RBPJ: variants seen among roughly 807,000 people sequenced by gnomAD.
RBPJ encodes the protein recombining binding protein suppressor of hairless.
RBPJ carries 9 observed loss-of-function variants against 67.8 expected under a neutral mutation model. That is an observed-to-expected ratio of 0.13 (90% CI 0.08 to 0.23). The LOEUF (loss-of-function observed/expected upper bound fraction) is 0.23, where lower values mean the gene tolerates loss of function less well. RBPJ is among the 10% of genes least tolerant of loss of function. The pLI is 1.00. For missense variants in RBPJ, 305 were observed against 595.6 expected (o/e 0.51, Z 5.08); for synonymous variants, 198 against 203.3 (o/e 0.97, Z 0.22).
At chr4:26,261,202 T>G (rs1720520336) in intron 1 of RBPJ, among the ~76,000 whole-genome samples, 1 of 151,762 alleles carries the variant, frequency 6.6e-6, no homozygotes, top group South Asian at 2.1e-4. Flanking sequence ...GAAAAACTAC[T>G]TAAAGGTAGA....
chr4:26,313,366 T>C (rs1019102105), intron 1 of RBPJ, among the ~76,000 whole-genome samples: 2 of 152,034 alleles, frequency 1.3e-5, no homozygotes, highest in African/African-American at 4.8e-5. Flanking sequence ...ACGCCATCTC[T>C]ACTAAAAATA....
chr4:26,248,610 G>A (rs951248561), intron 1 of RBPJ, among the ~76,000 whole-genome samples: 2 of 152,122 alleles, frequency 1.3e-5, no homozygotes, highest in Admixed American at 1.3e-4. Context: ...TATCCCTTTA[G>A]GATACAATAA....
intron 1 of RBPJ, among the ~76,000 whole-genome samples, chr4:26,325,767 A>T (rs1373599510): frequency 6.6e-6 from 1 of 152,172 alleles, no homozygotes; most frequent in Non-Finnish European, 1.5e-5. Context: ...AAGTATTTTG[A>T]CATCTCTGCA....
rs546183214 is a variant in RBPJ, at chr4:26,301,479, C to T, written c.-166-60967C>T. The stretch of plus-strand genomic sequence containing the variant: ...TGGTGGCGGGCGCCTGTAGTTCCAG[C>T]TACTCGGGAGGCTGAGGCAGGAGAA... On this transcript the variant is annotated intron_variant, in intron 1 of 4. Coordinates refer to the RBPJ transcript ENST00000512351. 6.6e-5 allele frequency among the ~76,000 whole-genome samples: 10 copies of T among 151,826 alleles called. No homozygotes were observed. In the East Asian group the frequency reaches 1.2e-3, roughly 18 times the overall value.
At chr4:26,338,700 G>C (rs542020471) in intron 1 of RBPJ, among the ~76,000 whole-genome samples, 1 of 151,532 alleles carries the variant, frequency 6.6e-6, no homozygotes, top group East Asian at 2.0e-4. Context: ...TCAGCCTCTT[G>C]AGTAGCTGGG....
Position 26,378,464 on chromosome 4 carries a change from G to A in RBPJ, c.21-7889G>A, listed in dbSNP as rs532598074. On this transcript the variant is annotated intron_variant, in intron 1 of 10. Transcript: ENST00000355476. ...TTACTTGTGCTGTCTGGGTAGTGGG[G>A]CTTGTGTTAGAGATTTAACCCAGGG... Among the ~76,000 whole-genome samples, 5 of 152,266 alleles carry A rather than the reference G, an allele frequency of 3.3e-5. No individual in the cohort carries two copies. The East Asian group carries it at 7.7e-4, about 24-fold the overall frequency.
chr4:26,342,265 CAAAAAAAAAA>C (rs60781954), intron 1 of RBPJ, among the ~76,000 whole-genome samples: 1 of 114,118 alleles, frequency 8.8e-6, no homozygotes, highest in Non-Finnish European at 1.8e-5. Context: ...CCTGGGTTAT[CAAAAAAAAAA>C]AAAAAAAAGG....
At chr4:26,133,465 A>G in the RBPJ span, among the ~76,000 whole-genome samples, 1 of 152,182 alleles carries the variant, frequency 6.6e-6, no homozygotes, top group Admixed American at 6.5e-5. Context: ...TCATTGCTCT[A>G]CTATTATTCA....
intron 5 of RBPJ, among the ~76,000 whole-genome samples, chr4:26,421,726 T>G (rs911183701): frequency 2.0e-5 from 3 of 152,164 alleles, no homozygotes; most frequent in Non-Finnish European, 2.9e-5. Context: ...TGGAGTATTT[T>G]AATGTAAATC....
At chr4:26,144,327 G>A in the RBPJ span, among the ~76,000 whole-genome samples, 447 of 131,284 alleles carry the variant, frequency 3.4e-3, 1 homozygote, top group African/African-American at 0.012. Context: ...CTGGAGTGCA[G>A]TAGTGCAGTT....
rs1362250031 is a variant in RBPJ, at chr4:26,215,058, GAGAA to G, written c.-167+51452_-167+51455del. Among the ~76,000 whole-genome samples the G allele has an allele frequency of 4.2e-3, 254 of 61,064 alleles. 10 individuals carry two copies. The highest frequency in any genetic ancestry group is 0.024 in the Middle Eastern group (2 of 84). The allele number at this position is 61,064 out of a possible 152,430, so 40.1% of individuals were successfully genotyped here. On this transcript the variant is annotated intron_variant, in intron 1 of 4. Coordinates refer to the RBPJ transcript ENST00000512351. Reference sequence around the variant, plus strand: ...GAAAGAGGGAGGGAGGGAAGAGAGAGAGAAAGAAAGAGAAAAAGAGAGAAAAAAG... The same window carrying G: ...GAAAGAGGGAGGGAGGGAAGAGAGAGAGAAAGAGAAAAAGAGAGAAAAAAG...
intron 1 of RBPJ, among the ~76,000 whole-genome samples, chr4:26,227,518 T>C (rs77364856): frequency 0.016 from 2,392 of 152,294 alleles, 76 homozygotes; most frequent in African/African-American, 0.054. Flanking sequence ...GGGCCCAAGA[T>C]GGGACTCTAT....
chr4:26,184,387 G>A (rs1165870703), intron 1 of RBPJ, among the ~76,000 whole-genome samples: 2 of 152,030 alleles, frequency 1.3e-5, no homozygotes, highest in African/African-American at 4.8e-5. Context: ...CAGGGTGGGG[G>A]CAGTGGATGA....
chr4:26,137,733 T>C, the RBPJ span, among the ~76,000 whole-genome samples: 1 of 152,244 alleles, frequency 6.6e-6, no homozygotes, highest in Admixed American at 6.5e-5. Flanking sequence ...AGCTGTCACC[T>C]GGATGCTCTC....
intron 1 of RBPJ, among the ~76,000 whole-genome samples, chr4:26,312,079 G>T (rs1047860511): frequency 4.6e-5 from 7 of 152,126 alleles, no homozygotes; most frequent in Non-Finnish European, 7.3e-5. Context: ...AATTGATTTT[G>T]ATGCCCACTA....
the RBPJ span, among the ~76,000 whole-genome samples, chr4:26,127,510 A>G: frequency 6.6e-6 from 1 of 152,242 alleles, no homozygotes; most frequent in African/African-American, 2.4e-5. Flanking sequence ...GGCATCAGGC[A>G]TGATGGCATG....
At chr4:26,355,485 C>CAAA (rs33950714) in intron 1 of RBPJ, among the ~76,000 whole-genome samples, 77 of 131,756 alleles carry the variant, frequency 5.8e-4, no homozygotes, top group African/African-American at 2.1e-3. Flanking sequence ...TCATCTCTAC[C>CAAA]AAAAAAAAAA....
chr4:26,204,467 G>A (rs541429348), intron 1 of RBPJ, among the ~76,000 whole-genome samples: 41 of 152,334 alleles, frequency 2.7e-4, no homozygotes, highest in Non-Finnish European at 4.9e-4. Context: ...ACGGGTCTAT[G>A]CAGCCCAAGC....
the RBPJ span, among the ~76,000 whole-genome samples, chr4:26,147,707 C>T: frequency 2.0e-5 from 3 of 152,114 alleles, no homozygotes; most frequent in Non-Finnish European, 2.9e-5. Context: ...CAAGCTCCGC[C>T]TCCTGGGTTC....
Sources: allele counts gnomAD v4.1 joint callset (sites outside exome capture counted in the v4.1 genomes callset), GRCh38; gene constraint gnomAD v4.1.1; transcripts MANE v1.5; gene names NCBI Gene and HGNC (gene_info 2026-07-23, HGNC 2026-07-21).